TMEM132D: variants seen among roughly 807,000 people sequenced by gnomAD.
TMEM132D encodes mature OL transmembrane protein.
In TMEM132D, 21 loss-of-function variants were observed where a neutral mutation model predicts 62.3. The ratio of observed to expected loss-of-function variants is 0.34; its 90% CI spans 0.24 to 0.49. The LOEUF (loss-of-function observed/expected upper bound fraction) is 0.49, where lower values mean the gene tolerates loss of function less well. Among genes scored for constraint, TMEM132D ranks in the 20% least tolerant of loss-of-function variants. TMEM132D has a pLI of 0.99. For synonymous variants in TMEM132D, 621 were observed against 575.6 expected, an observed-to-expected ratio of 1.08 and a Z score of -1.13; for missense variants, 1,346 against 1,402.8, an observed-to-expected ratio of 0.96 and a Z score of 0.65.
chr12:129,680,654 C>G (rs1401114421), intron 2 of TMEM132D, among the ~76,000 whole-genome samples: 1 of 152,152 alleles, frequency 6.6e-6, no homozygotes, highest in Non-Finnish European at 1.5e-5. Context: ...AGTCAGGGAA[C>G]AGGACCCATC....
At position 129,512,548 on chromosome 12, in the gene TMEM132D, T is replaced by C. The variant is rs373743583; in HGVS notation, c.1115+18511A>G. 2.6e-4 allele frequency among the ~76,000 whole-genome samples: 39 copies of C among 152,270 alleles called. 1 individual carries two copies. Among genetic ancestry groups the C allele is most frequent in the Middle Eastern group, 3.4e-3 (1 of 294 alleles). ...GTAGTGTAACAAAACAGCATAAATA[T>C]TTATTAGCTATACAGTTTCTGAGGG... On this transcript the variant is annotated intron_variant, in intron 3 of 8. Coordinates refer to ENST00000422113, the MANE Select transcript of TMEM132D (RefSeq NM_133448.3).
At chr12:129,207,170 G>C (rs1233521353) in intron 5 of TMEM132D, among the ~76,000 whole-genome samples, 1 of 151,792 alleles carries the variant, frequency 6.6e-6, no homozygotes, top group African/African-American at 2.4e-5. Context: ...GTTGTGATAA[G>C]AATAGAGCAG....
intron 3 of TMEM132D, among the ~76,000 whole-genome samples, chr12:129,382,445 A>G (rs1456493460): frequency 6.6e-6 from 1 of 152,216 alleles, no homozygotes; most frequent in Non-Finnish European, 1.5e-5. Flanking sequence ...TTCATATTGA[A>G]AGACGGTGCC....
In TMEM132D at chr12:129,699,929, T is replaced by C. The variant is rs780239844; in HGVS notation, c.849A>G (p.Glu283=). The C allele has an allele frequency of 1.2e-5, 20 of 1,614,052 alleles. No individual in the cohort carries two copies. In the Admixed American group the frequency reaches 3.3e-4, roughly 27 times the overall value. The change falls in exon 2 of 9, where the codon GAA becomes GAG. Residue 283 remains glutamate (E), a synonymous_variant. Transcript: ENST00000422113. ...YQTHRKPSLR[E]LRLDNSVAIH... ...TGGCCACGCTGTTGTCCAGACGCAGTTCTCTCAGGGAGGGTTTCCTGTGTG... is the reference window on the plus strand; with the variant it reads ...TGGCCACGCTGTTGTCCAGACGCAGCTCTCTCAGGGAGGGTTTCCTGTGTG...
intron 2 of TMEM132D, among the ~76,000 whole-genome samples, chr12:129,617,903 A>T (rs1565924657): frequency 6.6e-6 from 1 of 152,210 alleles, no homozygotes; most frequent in South Asian, 2.1e-4. Context: ...GACACAGCAG[A>T]TGGGAATGTG....
intron 1 of TMEM132D, among the ~76,000 whole-genome samples, chr12:129,887,655 T>G (rs1281367649): frequency 6.6e-6 from 1 of 152,138 alleles, no homozygotes; most frequent in Non-Finnish European, 1.5e-5. Context: ...CTTTAACACA[T>G]GCAAACAATT....
chr12:129,859,242 A>T (rs907289258), intron 1 of TMEM132D, among the ~76,000 whole-genome samples: 16 of 152,198 alleles, frequency 1.1e-4, no homozygotes, highest in African/African-American at 3.9e-4. Context: ...GTGGTCGAGA[A>T]CCATAGACAT....
intron 1 of TMEM132D, among the ~76,000 whole-genome samples, chr12:129,811,828 G>C (rs987735019): frequency 1.3e-5 from 2 of 151,636 alleles, no homozygotes; most frequent in African/African-American, 4.8e-5. Flanking sequence ...AGCCACCCCA[G>C]CTGATGGCCA....
chr12:129,878,200 T>C (rs141261586), intron 1 of TMEM132D, among the ~76,000 whole-genome samples: 1 of 152,368 alleles, frequency 6.6e-6, no homozygotes, highest in East Asian at 1.9e-4. Flanking sequence ...GTCTCCTCTA[T>C]TGAAGGACCT....
In TMEM132D at chr12:129,247,280, C is replaced by A. The variant is rs146110746; in HGVS notation, c.1300-37617G>T. Among the ~76,000 whole-genome samples the A allele has an allele frequency of 5.7e-3, 860 of 152,190 alleles. 15 individuals are homozygous for A. The highest frequency in any genetic ancestry group is 0.02 in the African/African-American group (830 of 41,520). On this transcript the variant is annotated intron_variant, in intron 4 of 8. Coordinates refer to ENST00000422113, the MANE Select transcript of TMEM132D (RefSeq NM_133448.3). ...TTTTTCTACATTTCGGGCCTTGGAG[C>A]ATGAGTGGGCAGTTCTCACATTTGC...
chr12:129,186,107 C>A (rs1211515643), intron 5 of TMEM132D, among the ~76,000 whole-genome samples: 5 of 152,158 alleles, frequency 3.3e-5, no homozygotes, highest in African/African-American at 1.2e-4. Context: ...CCATTAGGAG[C>A]CTCTGACTGT....
chr12:129,087,122 A>G (rs924182749), intron 5 of TMEM132D, among the ~76,000 whole-genome samples: 2 of 151,970 alleles, frequency 1.3e-5, no homozygotes, highest in South Asian at 4.2e-4. Flanking sequence ...ATCTTTGACC[A>G]TCCTCTCTCC....
At chr12:129,707,625 A>G (rs1881538006) in intron 1 of TMEM132D, among the ~76,000 whole-genome samples, 1 of 152,208 alleles carries the variant, frequency 6.6e-6, no homozygotes, top group South Asian at 2.1e-4. Context: ...TGTATTTGAA[A>G]CAGTTGACTC....
chr12:129,166,086 A>G (rs1877537928), intron 5 of TMEM132D, among the ~76,000 whole-genome samples: 1 of 152,264 alleles, frequency 6.6e-6, no homozygotes, highest in African/African-American at 2.4e-5. Flanking sequence ...CCAGTTACAG[A>G]GCAAACCATT....
chr12:129,103,002 T>C (rs1875364550), intron 5 of TMEM132D, among the ~76,000 whole-genome samples: 1 of 152,196 alleles, frequency 6.6e-6, no homozygotes, highest in South Asian at 2.1e-4. Context: ...ACAGGAGGCA[T>C]ACATATCAGC....
intron 2 of TMEM132D, among the ~76,000 whole-genome samples, chr12:129,623,646 T>C (rs1414611846): frequency 6.7e-6 from 1 of 149,714 alleles, no homozygotes; most frequent in East Asian, 1.9e-4. Context: ...TGTGTGTGTA[T>C]GTGTGTATAT....
At chr12:129,326,417 A>G (rs1299464635) in intron 4 of TMEM132D, among the ~76,000 whole-genome samples, 1 of 152,244 alleles carries the variant, frequency 6.6e-6, no homozygotes, top group Non-Finnish European at 1.5e-5. Context: ...TATGTCCTGC[A>G]GCTACTAATG....
At chr12:129,716,365 T>C (rs778457022) in intron 1 of TMEM132D, among the ~76,000 whole-genome samples, 1 of 152,174 alleles carries the variant, frequency 6.6e-6, no homozygotes, top group Non-Finnish European at 1.5e-5. Context: ...GCAAACAGCC[T>C]GTGAAAAGGG....
chr12:129,634,325 T>G (rs1879423335), intron 2 of TMEM132D, among the ~76,000 whole-genome samples: 1 of 151,116 alleles, frequency 6.6e-6, no homozygotes, highest in Non-Finnish European at 1.5e-5. Flanking sequence ...AAAAAAAAAA[T>G]TAGCGGGGTA....
Sources: gnomAD v4.1 joint callset for allele counts (sites outside exome capture counted in the v4.1 genomes callset) on GRCh38, gnomAD v4.1.1 for gene constraint, MANE v1.5 for transcripts, NCBI Gene and HGNC (gene_info 2026-07-23, HGNC 2026-07-21) for gene names.